Variants in GRHL1 observed in about 807,000 individuals in gnomAD.
GRHL1 encodes the protein grainyhead like transcription factor 1, also known as grainyhead-like protein 1 homolog.
A neutral mutation model predicts 75.7 loss-of-function variants in GRHL1; 38 were observed. The observed-to-expected ratio is 0.50, with a 90% confidence interval of 0.39 to 0.66. The LOEUF (loss-of-function observed/expected upper bound fraction) is 0.66, where lower values mean the gene tolerates loss of function less well. Ranked by LOEUF, GRHL1 falls within the 30% of genes least tolerant of loss-of-function variation. GRHL1 has a pLI of 0.00. For synonymous variants in GRHL1, 266 were observed against 279.4 expected (o/e 0.95, Z 0.48); for missense variants, 589 against 767.5 (o/e 0.77, Z 2.75).
At position 9,971,092 on chromosome 2, in the gene GRHL1, G is replaced by C. The variant is rs571871831; in HGVS notation, c.1110+5711G>C. ...AAGTCTTTCTGCTTGTGGGATGCAG[G>C]TTTATGAGTTTAATAAGTTTGTTGT... is the stretch of plus-strand genomic sequence containing the variant. On this transcript the variant is annotated intron_variant, in intron 8 of 15. Transcript: ENST00000324907. Among the ~76,000 whole-genome samples, 4 of 152,094 alleles carry C rather than the reference G, an allele frequency of 2.6e-5. No individual in the cohort carries two copies. In the East Asian group the frequency reaches 7.7e-4, roughly 29 times the overall value.
chr2:9,981,090 A>G lies in GRHL1; in HGVS notation c.1111-5034A>G, dbSNP rs143983652. On this transcript the variant is annotated intron_variant, in intron 8 of 15. Transcript: ENST00000324907. ...GTGCCCATCTTGTTGCTCCCACTGG[A>G]CCCAAGGGAGAGCTCTGGCTTGTGT... 7.3e-3 allele frequency among the ~76,000 whole-genome samples: 1,109 copies of G among 152,304 alleles called. 7 individuals carry two copies. Among genetic ancestry groups the G allele is most frequent in the African/African-American group, 0.025 (1,024 of 41,562 alleles).
chr2:9,990,417 C>G lies in GRHL1; in HGVS notation c.1270-279C>G, dbSNP rs142578482. On this transcript the variant is annotated intron_variant, in intron 9 of 15. Coordinates refer to ENST00000324907, the MANE Select transcript of GRHL1 (RefSeq NM_198182.3). The surrounding 1 kb of genome is among the most constrained non-coding windows in gnomAD (Gnocchi z 4.2). ...CCACCCACCTCGGCCTCCCAAAGTGCTGGGATTACAGGCATGAGCTACCGC... is the reference window on the plus strand; with the variant it reads ...CCACCCACCTCGGCCTCCCAAAGTGGTGGGATTACAGGCATGAGCTACCGC... Among the ~76,000 whole-genome samples, 3,998 of 152,214 alleles carry G rather than the reference C, an allele frequency of 0.026. 175 individuals carry two copies. The highest frequency in any genetic ancestry group is 0.091 in the African/African-American group (3,760 of 41,498).
intron 8 of GRHL1, among the ~76,000 whole-genome samples, chr2:9,976,032 G>A (rs1220973109): frequency 1.3e-5 from 2 of 152,202 alleles, no homozygotes; most frequent in Admixed American, 1.3e-4. Context: ...GTCAAAGAAT[G>A]GTATAAAAGT....
intron 12 of GRHL1, among the ~76,000 whole-genome samples, chr2:9,995,586 CAA>C (rs368168163): frequency 2.8e-5 from 3 of 107,946 alleles, no homozygotes; most frequent in Admixed American, 9.0e-5. Context: ...CCCTGTCTCA[CAA>C]AAAAAAAAAA....
At position 9,965,281 on chromosome 2, in the gene GRHL1, CT is replaced by C; in HGVS notation, c.1016-5del. On this transcript the variant is annotated splice_region_variant and splice_polypyrimidine_tract_variant and intron_variant, in intron 7 of 15. Transcript: ENST00000324907. ...TTTTCATTTTCTCTTCCACCGCTTC[CT>C]GTAGCTGACTATAAAGAAAGCTTCA... 3 of 1,544,338 alleles carry C rather than the reference CT, an allele frequency of 1.9e-6. No individual in the cohort carries two copies. The highest frequency in any genetic ancestry group is 1.7e-4 in the Middle Eastern group (1 of 5,914).
At chr2:9,980,477 A>G (rs2011516) in intron 8 of GRHL1, among the ~76,000 whole-genome samples, 42,827 of 151,842 alleles carry the variant, frequency 0.28, 6,205 homozygotes, top group Admixed American at 0.37. Context: ...ATTCTTGGTC[A>G]GGAATGAGGA....
chr2:9,963,760 C>T (rs1326989933), intron 5 of GRHL1, 126 bp from the exon 6 acceptor site: 1 of 606,086 alleles, frequency 1.6e-6, no homozygotes, highest in Non-Finnish European at 2.8e-6. Flanking sequence ...GAATTTTTAG[C>T]TGCTGAGTAC....
intron 5 of GRHL1, 73 bp downstream of exon 5, chr2:9,962,604 A>C (rs1558293637): frequency 2.3e-6 from 2 of 878,564 alleles, no homozygotes; most frequent in Non-Finnish European, 3.8e-6. Context: ...TAACTTGATA[A>C]ATCAAAGGTG....
chr2:9,952,794 C>T (rs907930953), intron 1 of GRHL1: 1 of 273,726 alleles, frequency 3.7e-6, no homozygotes, highest in African/African-American at 2.3e-5. Flanking sequence ...ATAGGTACCC[C>T]TCCCAGTTTC....
rs113844108 is a variant in GRHL1, at chr2:9,979,233, C to CT, written c.1111-6877dup. 6.0e-4 allele frequency among the ~76,000 whole-genome samples: 81 copies of CT among 134,884 alleles called. 1 individual carries two copies. The highest frequency in any genetic ancestry group is 1.4e-3 in the South Asian group (6 of 4,186). The allele number at this position is 134,884 out of a possible 152,430, so 88.5% of individuals were successfully genotyped here. ...GTCTTAATGGATCTAAATGTTCAAT[C>CT]TTTTTTTTTTTTTTACTCTAAAGAC... On this transcript the variant is annotated intron_variant, in intron 8 of 15. Transcript: ENST00000324907.
In GRHL1 at chr2:9,968,938, A is replaced by G. The variant is rs887440332; in HGVS notation, c.1110+3557A>G. On this transcript the variant is annotated intron_variant, in intron 8 of 15. Coordinates refer to ENST00000324907, the MANE Select transcript of GRHL1 (RefSeq NM_198182.3). The surrounding 1 kb of genome is among the most constrained non-coding windows in gnomAD (Gnocchi z 4.7). ...GTGGGGACAGCCTGAGATCTTAAAT[A>G]TGACATCATGTTTTCTTAGGAAAAA... 3.3e-5 allele frequency among the ~76,000 whole-genome samples: 5 copies of G among 152,230 alleles called. No homozygotes were observed. The highest frequency in any genetic ancestry group is 7.3e-5 in the Non-Finnish European group (5 of 68,036).
rs950042212 is a variant in GRHL1 at position 9,968,499 on chromosome 2, C to T, written c.1110+3118C>T. 1.3e-5 allele frequency among the ~76,000 whole-genome samples: 2 copies of T among 152,158 alleles called. No individual in the cohort carries two copies. The highest frequency in any genetic ancestry group is 2.4e-5 in the African/African-American group (1 of 41,416). On this transcript the variant is annotated intron_variant, in intron 8 of 15. Transcript: ENST00000324907. The surrounding 1 kb of genome is among the most constrained non-coding windows in gnomAD (Gnocchi z 4.7). ...TCTGGACAGGTTAAAGGCCATGAGG[C>T]GTTCACATTTCATTGTGAAATAATC...
In GRHL1 at chr2:10,001,109, T is replaced by C. The variant is rs2125255783; in HGVS notation, c.*402T>C. On this transcript the variant is annotated 3_prime_UTR_variant, in exon 16 of 16. Coordinates refer to ENST00000324907, the MANE Select transcript of GRHL1 (RefSeq NM_198182.3). Reference sequence around the variant, plus strand: ...GCAGAAGTCAGAAAAGGCGATAGGCTTGGCTTTAAGGATTTCGTGCCCTTG... The same window carrying C: ...GCAGAAGTCAGAAAAGGCGATAGGCCTGGCTTTAAGGATTTCGTGCCCTTG... The C allele has an allele frequency of 6.4e-6, 1 of 155,438 alleles. No individual in the cohort carries two copies. Among genetic ancestry groups the C allele is most frequent in the East Asian group, 1.9e-4 (1 of 5,288 alleles). The allele number at this position is 155,438 out of a possible 1,614,324, so 9.6% of individuals were successfully genotyped here.
chr2:9,954,603 A>G (rs1034658645), intron 1 of GRHL1, among the ~76,000 whole-genome samples: 1 of 152,066 alleles, frequency 6.6e-6, no homozygotes, highest in Non-Finnish European at 1.5e-5. Flanking sequence ...GTGTTTGTTT[A>G]TGGAAAGTAT....
intron 1 of GRHL1, 46 bp from the exon 2 acceptor site, chr2:9,954,869 C>G: frequency 7.0e-7 from 1 of 1,433,456 alleles, no homozygotes; most frequent in Non-Finnish European, 9.8e-7. Context: ...TGATACCTTG[C>G]AGTAGAAAAG....
At chr2:9,996,918 T>G (rs1173070130) in intron 14 of GRHL1, among the ~76,000 whole-genome samples, 1 of 152,192 alleles carries the variant, frequency 6.6e-6, no homozygotes, top group Non-Finnish European at 1.5e-5. Context: ...ACTGACCCCA[T>G]GCTCCCTGTG....
chr2:9,997,554 G>A (rs1668922190), intron 14 of GRHL1, among the ~76,000 whole-genome samples: 1 of 152,082 alleles, frequency 6.6e-6, no homozygotes, highest in African/African-American at 2.4e-5. Context: ...AGGTGCGGTG[G>A]CTCACACCTG....
In GRHL1 at chr2:9,968,703, G is replaced by T. The variant is rs1166699617; in HGVS notation, c.1110+3322G>T. 6.6e-6 allele frequency among the ~76,000 whole-genome samples: 1 copy of T among 152,172 alleles called. No homozygotes were observed. The highest frequency in any genetic ancestry group is 2.4e-5 in the African/African-American group (1 of 41,438). On this transcript the variant is annotated intron_variant, in intron 8 of 15. Coordinates refer to ENST00000324907, the MANE Select transcript of GRHL1 (RefSeq NM_198182.3). This position sits in a 1 kb window ranked among gnomAD's most constrained non-coding sequence, Gnocchi z 4.7. ...AGAAGAGAGGCCTAGGAGCTGAGGG[G>T]AGGGGTGCATACAGCGAGATGGGAG...
chr2:9,964,885 C>T, intron 7 of GRHL1: 1 of 176,088 alleles, frequency 5.7e-6, no homozygotes, highest in Non-Finnish European at 1.2e-5. Flanking sequence ...CATGTAAAAC[C>T]ATTGTCTGTA....
Sources: allele counts gnomAD v4.1 joint callset (sites outside exome capture counted in the v4.1 genomes callset), GRCh38; gene constraint gnomAD v4.1.1; non-coding constraint Gnocchi (gnomAD v3.1); transcripts MANE v1.5; gene names NCBI Gene and HGNC (gene_info 2026-07-23, HGNC 2026-07-21).